PLXNA4: variants seen among roughly 807,000 people sequenced by gnomAD.
The protein encoded by PLXNA4 is plexin A4, also known as plexin-A4.
A neutral mutation model predicts 191.8 loss-of-function variants in PLXNA4; 44 were observed. The observed-to-expected ratio is 0.23, with a 90% CI of 0.18 to 0.29. The LOEUF is 0.29. Ranked by LOEUF, PLXNA4 falls within the 10% of genes least tolerant of loss-of-function variation. The pLI is 1.00. For missense variants in PLXNA4, 1,800 were observed against 2,488.8 expected (o/e 0.72, Z 5.89); for synonymous variants, 1,082 against 1,009.5 (o/e 1.07, Z -1.36).
At position 132,507,789 on chromosome 7, in the gene PLXNA4, C is replaced by T. The variant is rs143813209; in HGVS notation, c.905G>A (p.Arg302His). The change falls in exon 2 of 32, where the codon CGC becomes CAC. Residue 302 changes from arginine to histidine, a missense_variant. Arg to His is a conservative substitution (Grantham distance 29, BLOSUM62 0). This residue lies in a region of PLXNA4 where 1,397 missense variants were observed against 1,880.4 expected (regional missense o/e 0.74). Coordinates refer to ENST00000321063, the MANE Select transcript of PLXNA4 (RefSeq NM_020911.2). ...SYVEVPIGCE[R>H]SGVEYRLLQA... ...CAGCAGGCGGTACTCCACCCCACTG[C>T]GCTCACAGCCAATGGGCACCTCTAC... 272 of 1,613,994 alleles carry T rather than the reference C, an allele frequency of 1.7e-4. No homozygotes were observed. Among genetic ancestry groups the T allele is most frequent in the Non-Finnish European group, 2.2e-4 (260 of 1,180,040 alleles).
At chr7:132,345,525 G>A (rs572840904) in intron 3 of PLXNA4, among the ~76,000 whole-genome samples, 1 of 152,248 alleles carries the variant, frequency 6.6e-6, no homozygotes, top group Non-Finnish European at 1.5e-5. Flanking sequence ...CCCAACTACT[G>A]GGAAAGGAAA....
At chr7:132,462,974 C>T (rs1034730095) in intron 3 of PLXNA4, among the ~76,000 whole-genome samples, 4 of 151,588 alleles carry the variant, frequency 2.6e-5, no homozygotes, top group South Asian at 2.1e-4. Context: ...CTCAGCCTCC[C>T]GAGTAGCTGA....
intron 3 of PLXNA4, among the ~76,000 whole-genome samples, chr7:132,358,239 T>G (rs183983736): frequency 6.6e-6 from 1 of 152,376 alleles, no homozygotes; most frequent in East Asian, 1.9e-4. Flanking sequence ...CCAATTCAGA[T>G]GTTTGTCATC....
At chr7:132,639,658 AAGGGGCCATTC>A (rs1803677014) in intron 2 of PLXNA4, among the ~76,000 whole-genome samples, 1 of 152,202 alleles carries the variant, frequency 6.6e-6, no homozygotes, top group African/African-American at 2.4e-5. Flanking sequence ...GGTGGAACTG[AAGGGGCCATTC>A]AGGGGGTCTT....
intron 2 of PLXNA4, among the ~76,000 whole-genome samples, chr7:132,597,853 C>CTATATATA (rs1269609154): frequency 1.7e-5 from 1 of 59,686 alleles, no homozygotes. Flanking sequence ...CTCTCTCTCT[C>CTATATATA]TCTCTCTATA....
At chr7:132,503,565 A>AGG (rs1798341624) in intron 2 of PLXNA4, among the ~76,000 whole-genome samples, 1 of 152,188 alleles carries the variant, frequency 6.6e-6, no homozygotes, top group Admixed American at 6.5e-5. Context: ...GGCACATGAC[A>AGG]GAGGCCACAG....
In PLXNA4 at chr7:132,508,884, G is replaced by T; in HGVS notation, c.-86-105C>A. 8.6e-7 allele frequency: 1 copy of T among 1,161,502 alleles called. No individual in the cohort carries two copies. Among genetic ancestry groups the T allele is most frequent in the Non-Finnish European group, 1.2e-6 (1 of 860,788 alleles). 71.9% of individuals were successfully genotyped at this position (1,161,502 alleles called of 1,614,324 possible). On this transcript the variant is annotated intron_variant, in intron 1 of 31. Coordinates refer to ENST00000321063, the MANE Select transcript of PLXNA4 (RefSeq NM_020911.2). This position sits in a 1 kb window ranked among gnomAD's most constrained non-coding sequence, Gnocchi z 4.4. The stretch of plus-strand genomic sequence containing the variant: ...CAAAATGTTCTGCACACACTGAGCA[G>T]AACTGCACTGGGGGGTGCTGGAGGC...
At position 132,125,736 on chromosome 7, in the gene PLXNA4, G is replaced by C. The variant is rs974807240; in HGVS notation, c.*4743C>G. 1.3e-5 allele frequency: 2 copies of C among 152,174 alleles called. No homozygotes were observed. Among genetic ancestry groups the C allele is most frequent in the African/African-American group, 4.8e-5 (2 of 41,412 alleles). 9.4% of individuals were successfully genotyped at this position (152,174 alleles called of 1,614,324 possible). A position where few individuals can be genotyped will look rare whatever the true frequency, so the allele number is the denominator to read the frequency against. ...CGAGGACCAGGAGGGATGGCGGGGG[G>C]GGATTTGGGGCATGGGGAGAAGCCA... On this transcript the variant is annotated 3_prime_UTR_variant, in exon 32 of 32. Transcript: ENST00000321063.
rs1326487050 is a variant in PLXNA4 at position 132,179,743 on chromosome 7, C to T, written c.3818G>A (p.Arg1273Gln). ...CAGGTTGTCCATCTGCATCTGCAGC[C>T]GCTTCAGCGTGAGGTCACTTTCGCG... Reference protein sequence around the residue: ...KSRESDLTLKRLQMQMDNLES... With the variant: ...KSRESDLTLKQLQMQMDNLES... The change falls in exon 20 of 32, where the codon CGG (arginine) becomes CAG (glutamine). Residue 1273 changes from arginine (R) to glutamine (Q), a missense_variant. By Grantham distance (43) the Arg-to-Gln change is conservative. This residue lies in a region of PLXNA4 where 1,397 missense variants were observed against 1,880.4 expected (regional missense o/e 0.74). Coordinates refer to ENST00000321063, the MANE Select transcript of PLXNA4 (RefSeq NM_020911.2). The T allele has an allele frequency of 2.5e-6, 4 of 1,614,038 alleles. No individual in the cohort carries two copies. The highest frequency in any genetic ancestry group is 1.3e-5 in the African/African-American group (1 of 74,936).
chr7:132,238,606 C>T (rs534891894), intron 5 of PLXNA4, among the ~76,000 whole-genome samples: 1 of 152,170 alleles, frequency 6.6e-6, no homozygotes, highest in Non-Finnish European at 1.5e-5. Flanking sequence ...CTTCTGAGAG[C>T]CTGTGCTTAA....
chr7:132,528,499 C>A (rs879274344), intron 1 of PLXNA4, among the ~76,000 whole-genome samples: 2 of 152,224 alleles, frequency 1.3e-5, no homozygotes, highest in African/African-American at 2.4e-5. Context: ...TGGATTAAGC[C>A]AGTCATGCTG....
rs755167703 is a variant in PLXNA4, at chr7:132,227,442, G to A, written c.1882+9C>T. Reference sequence around the variant, plus strand: ...AAGTGCCACTCAGCTGTGCCTCCGGGATGCTCACCATTCTCTGTGATGATC... The same window carrying A: ...AAGTGCCACTCAGCTGTGCCTCCGGAATGCTCACCATTCTCTGTGATGATC... On this transcript the variant is annotated intron_variant, in intron 7 of 31. Transcript: ENST00000321063. The A allele has an allele frequency of 1.2e-6, 2 of 1,614,114 alleles. No individual in the cohort carries two copies. The highest frequency in any genetic ancestry group is 1.1e-5 in the South Asian group (1 of 91,076).
At chr7:132,335,825 C>T (rs1802794810) in intron 3 of PLXNA4, among the ~76,000 whole-genome samples, 1 of 152,230 alleles carries the variant, frequency 6.6e-6, no homozygotes, top group Admixed American at 6.5e-5. Flanking sequence ...CCTGGATCTG[C>T]AGGTCTGTCC....
At chr7:132,197,955 C>T (rs1341036382) in intron 13 of PLXNA4, among the ~76,000 whole-genome samples, 1 of 152,134 alleles carries the variant, frequency 6.6e-6, no homozygotes, top group African/African-American at 2.4e-5. Context: ...ATGCATGATT[C>T]ACAAACCTCC....
chr7:132,275,509 G>A (rs1800241735), intron 4 of PLXNA4, among the ~76,000 whole-genome samples: 1 of 152,152 alleles, frequency 6.6e-6, no homozygotes, highest in Non-Finnish European at 1.5e-5. Context: ...TTATACCTCA[G>A]TAAAGCTGGC....
At chr7:132,447,059 C>T (rs1220039137) in intron 3 of PLXNA4, among the ~76,000 whole-genome samples, 1 of 152,186 alleles carries the variant, frequency 6.6e-6, no homozygotes, top group African/African-American at 2.4e-5. Context: ...CCTCCTATCC[C>T]CTCTCTTGCC....
chr7:132,144,872 T>A (rs977462441), intron 29 of PLXNA4, among the ~76,000 whole-genome samples: 1 of 152,178 alleles, frequency 6.6e-6, no homozygotes, highest in Admixed American at 6.5e-5. Context: ...GTTTGTTAAC[T>A]GACTAAGTGA....
intron 3 of PLXNA4, among the ~76,000 whole-genome samples, chr7:132,341,107 C>T (rs988921092): frequency 6.6e-6 from 1 of 152,162 alleles, no homozygotes; most frequent in Non-Finnish European, 1.5e-5. Context: ...CCAGGCCCTA[C>T]CCCTGAATGA....
chr7:132,418,279 G>A (rs1794732714), intron 3 of PLXNA4, among the ~76,000 whole-genome samples: 1 of 152,252 alleles, frequency 6.6e-6, no homozygotes, highest in Non-Finnish European at 1.5e-5. Context: ...CCTCCCCCAA[G>A]TTTCTCCATG....
Sources: gnomAD v4.1 joint callset for allele counts (sites outside exome capture counted in the v4.1 genomes callset) on GRCh38, gnomAD v4.1.1 for gene constraint, gnomAD v4.1.1 regional missense constraint, Gnocchi (gnomAD v3.1) non-coding constraint, MANE v1.5 for transcripts, NCBI Gene and HGNC (gene_info 2026-07-23, HGNC 2026-07-21) for gene names.